Variants in ACBD6 observed in about 807,000 individuals in gnomAD.
The protein encoded by ACBD6 is acyl-CoA-binding domain-containing protein 6.
A neutral mutation model predicts 37.2 loss-of-function variants in ACBD6; 28 were observed. The observed-to-expected ratio is 0.75, with a 90% CI of 0.56 to 1.03. The LOEUF is 1.03. ACBD6 is among the 50% of genes least tolerant of loss of function. ACBD6 has a pLI of 0.00. For missense variants in ACBD6, 340 were observed against 337.4 expected (o/e 1.01, Z -0.06); for synonymous variants, 113 against 126.8 (o/e 0.89, Z 0.73).
intron 5 of ACBD6, among the ~76,000 whole-genome samples, chr1:180,403,375 CTAGT>C (rs530738980): frequency 1.1e-4 from 16 of 152,184 alleles, no homozygotes; most frequent in East Asian, 9.6e-4. Context: ...ATACTGAATT[CTAGT>C]TAGTTATACG....
chr1:180,368,491 A>T (rs1174250168), intron 6 of ACBD6, among the ~76,000 whole-genome samples: 1 of 151,986 alleles, frequency 6.6e-6, no homozygotes, highest in Non-Finnish European at 1.5e-5. Context: ...GTTGTCTTCC[A>T]GGGTTATAAT....
At chr1:180,287,756 G>A (rs966194502), downstream of ACBD6, among the ~76,000 whole-genome samples, 32 of 152,040 alleles carry the variant, frequency 2.1e-4, no homozygotes, top group African/African-American at 7.7e-4. Flanking sequence ...AGTGAAAACA[G>A]AGTACTATTC....
intron 6 of ACBD6, among the ~76,000 whole-genome samples, chr1:180,355,430 G>A (rs1057343068): frequency 1.1e-4 from 17 of 152,124 alleles, no homozygotes; most frequent in Admixed American, 4.6e-4. Context: ...TTAAGTGCAT[G>A]TCCTGTACTG....
rs150711031 is a variant in ACBD6, at chr1:180,410,797, C to A, written c.573+2569G>T. Among the ~76,000 whole-genome samples, 58 of 152,270 alleles carry A rather than the reference C, an allele frequency of 3.8e-4. No homozygotes were observed. The East Asian group carries it at 8.5e-3, about 22-fold the overall frequency. ...GCTAACACAACATTCATTTTGCAGTCCATGGATCAAGGAATAATTTTGACT... is the reference window on the plus strand; with the variant it reads ...GCTAACACAACATTCATTTTGCAGTACATGGATCAAGGAATAATTTTGACT... On this transcript the variant is annotated intron_variant, in intron 5 of 7. Transcript: ENST00000367595.
intron 7 of ACBD6, among the ~76,000 whole-genome samples, chr1:180,307,901 G>A (rs948963598): frequency 2.6e-5 from 4 of 152,224 alleles, no homozygotes; most frequent in African/African-American, 9.6e-5. Context: ...GGTGCAGTGA[G>A]TTGAGATCAC....
At chr1:180,394,668 A>C (rs1199452331) in intron 6 of ACBD6, among the ~76,000 whole-genome samples, 1 of 152,168 alleles carries the variant, frequency 6.6e-6, no homozygotes, top group African/African-American at 2.4e-5. Context: ...TACATAAAAG[A>C]ATTGAGACTA....
chr1:180,361,275 C>T (rs199975144), intron 6 of ACBD6, among the ~76,000 whole-genome samples: 24 of 135,662 alleles, frequency 1.8e-4, no homozygotes, highest in Non-Finnish European at 2.5e-4. Context: ...TTTTTTTTTC[C>T]TTTTTTTTTT....
At chr1:180,439,584 C>T (rs1056921055) in intron 3 of ACBD6, among the ~76,000 whole-genome samples, 5 of 150,376 alleles carry the variant, frequency 3.3e-5, no homozygotes, top group African/African-American at 9.8e-5. Context: ...AGCGAGACTC[C>T]GTCTCAAAAA....
At chr1:180,360,329 G>C (rs1652799517) in intron 6 of ACBD6, among the ~76,000 whole-genome samples, 1 of 152,126 alleles carries the variant, frequency 6.6e-6, no homozygotes, top group Non-Finnish European at 1.5e-5. Flanking sequence ...TCACCTATTA[G>C]GATGCTCTCA....
chr1:180,412,244 C>T (rs1175651039), intron 5 of ACBD6, among the ~76,000 whole-genome samples: 1 of 152,066 alleles, frequency 6.6e-6, no homozygotes, highest in African/African-American at 2.4e-5. Context: ...CATAGTCTTA[C>T]ATTTTCAATT....
At chr1:180,360,068 G>T (rs1290695403) in intron 6 of ACBD6, among the ~76,000 whole-genome samples, 1 of 152,080 alleles carries the variant, frequency 6.6e-6, no homozygotes, top group East Asian at 1.9e-4. Context: ...TTGATAAAAA[G>T]AACTTTTTTA....
rs1459734602 is a variant in ACBD6, at chr1:180,317,558, CA to C, written c.664-2837del. ...AAGAAAATTAGAAAAGGGTATGAGC[CA>C]AAAACTGCAAGTGGCAATGTTCTCT... On this transcript the variant is annotated intron_variant, in intron 6 of 7. Coordinates refer to ENST00000367595, the MANE Select transcript of ACBD6 (RefSeq NM_032360.4). Among the ~76,000 whole-genome samples, 4 of 152,128 alleles carry C rather than the reference CA, an allele frequency of 2.6e-5. No homozygotes were observed. The East Asian group carries it at 7.7e-4, about 29-fold the overall frequency.
chr1:180,421,893 C>T (rs190116053), intron 4 of ACBD6, among the ~76,000 whole-genome samples: 17 of 152,034 alleles, frequency 1.1e-4, no homozygotes, highest in African/African-American at 3.9e-4. Flanking sequence ...TTTGTTGCCT[C>T]TTGGTGAGAA....
chr1:180,437,982 C>T (rs1649120435), intron 3 of ACBD6, among the ~76,000 whole-genome samples: 1 of 152,102 alleles, frequency 6.6e-6, no homozygotes, highest in African/African-American at 2.4e-5. Context: ...AGGCCAGTAG[C>T]AATACATGGC....
chr1:180,422,947 A>G (rs1648432256), intron 4 of ACBD6, among the ~76,000 whole-genome samples: 1 of 152,164 alleles, frequency 6.6e-6, no homozygotes, highest in South Asian at 2.1e-4. Flanking sequence ...TGCAGTTATG[A>G]TTTAATACTG....
rs114383486 is a variant in ACBD6 at position 180,447,510 on chromosome 1, C to T, written c.385-17248G>A. Reference sequence around the variant, plus strand: ...TGGCTTTTGTCAATTGTCTTGGTTCCAGCACACTTTAAAACTAAGGCGCAA... The same window carrying T: ...TGGCTTTTGTCAATTGTCTTGGTTCTAGCACACTTTAAAACTAAGGCGCAA... On this transcript the variant is annotated intron_variant, in intron 3 of 7. Transcript: ENST00000367595. Among the ~76,000 whole-genome samples the T allele has an allele frequency of 3.6e-3, 546 of 152,174 alleles. 2 individuals are homozygous for T. The highest frequency in any genetic ancestry group is 0.012 in the African/African-American group (507 of 41,512).
intron 7 of ACBD6, among the ~76,000 whole-genome samples, chr1:180,307,054 G>A (rs1463974391): frequency 6.6e-6 from 1 of 152,192 alleles, no homozygotes; most frequent in East Asian, 1.9e-4. Flanking sequence ...TATCTGCACT[G>A]CCATGTTTGT....
chr1:180,411,331 A>C (rs73035594), intron 5 of ACBD6, among the ~76,000 whole-genome samples: 5,719 of 152,318 alleles, frequency 0.038, 299 homozygotes, highest in African/African-American at 0.11. Flanking sequence ...TTTTGAAAGA[A>C]GTTCCACTGT....
chr1:180,272,718 C>T (rs1648746908), intron 12 of ACBD6: 1 of 152,254 alleles, frequency 6.6e-6, no homozygotes, highest in Admixed American at 6.5e-5. Flanking sequence ...GGGAAGAGTA[C>T]TCAACTGGCG....
Sources: gnomAD v4.1 joint callset for allele counts (sites outside exome capture counted in the v4.1 genomes callset) on GRCh38, gnomAD v4.1.1 for gene constraint, MANE v1.5 for transcripts, NCBI Gene and HGNC (gene_info 2026-07-23, HGNC 2026-07-21) for gene names.